LRTM1: variants seen among roughly 807,000 people sequenced by gnomAD.
LRTM1 encodes the protein leucine-rich repeat and transmembrane domain-containing protein 1.
Under a neutral mutation model 32.4 loss-of-function variants are expected in LRTM1, and 38 were observed. The observed-to-expected ratio is 1.17, with a 90% confidence interval of 0.91 to 1.54. The LOEUF (loss-of-function observed/expected upper bound fraction) is 1.54, where lower values mean the gene tolerates loss of function less well. Among genes scored for constraint, LRTM1 ranks in the 40% most tolerant of loss-of-function variants. LRTM1 has a pLI of 0.00. For missense variants in LRTM1, 466 were observed against 415.4 expected (o/e 1.12, Z -1.06); for synonymous variants, 186 against 169.9 (o/e 1.09, Z -0.74).
chr3:54,952,117 A>T (rs1041327094), intron 1 of LRTM1, among the ~76,000 whole-genome samples: 1 of 152,180 alleles, frequency 6.6e-6, no homozygotes, highest in African/African-American at 2.4e-5. Flanking sequence ...AAGTGCTGGG[A>T]TTACACATGT....
intron 1 of LRTM1, among the ~76,000 whole-genome samples, chr3:54,943,982 T>A (rs1400235053): frequency 6.6e-6 from 1 of 152,218 alleles, no homozygotes; most frequent in Admixed American, 6.5e-5. Flanking sequence ...AGGTCTTCAT[T>A]CCATGCCTTC....
intron 1 of LRTM1, among the ~76,000 whole-genome samples, chr3:54,938,636 A>T (rs1701387036): frequency 6.6e-6 from 1 of 151,054 alleles, no homozygotes; most frequent in African/African-American, 2.4e-5. Flanking sequence ...CCCCCAAATT[A>T]TACATCTTGA....
chr3:54,918,713 T>C lies in LRTM1; in HGVS notation c.784A>G (p.Asn262Asp). Residue 262 changes from asparagine to aspartate, a missense_variant, in exon 3 of 3, where the codon AAC becomes GAC. Coordinates refer to ENST00000273286, the MANE Select transcript of LRTM1 (RefSeq NM_020678.4). ...TCCAAGAGTTCTCGCTCCCCCGCGT[T>C]GTGGTTCTCAGGAGGCCTCAGGACC... ...GVVLRPPENH[N>D]AGERELLECE... 1 of 1,614,146 alleles carries C rather than the reference T, an allele frequency of 6.2e-7. No homozygotes were observed. The highest frequency in any genetic ancestry group is 8.5e-7 in the Non-Finnish European group (1 of 1,180,016).
intron 1 of LRTM1, among the ~76,000 whole-genome samples, chr3:54,957,445 AAC>A (rs1226750915): frequency 0.012 from 1,856 of 152,306 alleles, 35 homozygotes; most frequent in African/African-American, 0.042. Context: ...CACCACACCC[AAC>A]CATAAAATAA....
chr3:54,930,841 A>G (rs1038664579), upstream of LRTM1, among the ~76,000 whole-genome samples: 1 of 152,156 alleles, frequency 6.6e-6, no homozygotes, highest in Non-Finnish European at 1.5e-5. Flanking sequence ...CACGCCTGTA[A>G]TCCCAATATA....
chr3:54,964,606 G>A (rs1016898499), intron 1 of LRTM1, among the ~76,000 whole-genome samples: 3 of 152,164 alleles, frequency 2.0e-5, no homozygotes, highest in South Asian at 2.1e-4. Flanking sequence ...TGAAGGGAGA[G>A]AGTGGGACTC....
At chr3:54,920,948 T>C (rs1700830411) in intron 2 of LRTM1, among the ~76,000 whole-genome samples, 1 of 152,184 alleles carries the variant, frequency 6.6e-6, no homozygotes. Flanking sequence ...GACTGGAGCC[T>C]GGGACATAGC....
At chr3:54,919,906 C>T (rs1420096835) in intron 2 of LRTM1, among the ~76,000 whole-genome samples, 2 of 152,180 alleles carry the variant, frequency 1.3e-5, no homozygotes, top group African/African-American at 2.4e-5. Flanking sequence ...CCACTACACT[C>T]GCTGCCTCGC....
intron 1 of LRTM1, among the ~76,000 whole-genome samples, chr3:54,959,861 G>A (rs1481009229): frequency 6.6e-6 from 1 of 152,162 alleles, no homozygotes; most frequent in Non-Finnish European, 1.5e-5. Flanking sequence ...GCCTGGGAAA[G>A]CTGAGGGAAT....
chr3:54,926,733 A>G (rs1168368312), intron 1 of LRTM1, among the ~76,000 whole-genome samples: 3 of 152,116 alleles, frequency 2.0e-5, no homozygotes, highest in African/African-American at 7.2e-5. Flanking sequence ...TTTAGTATTA[A>G]TATTTACCCC....
At position 54,958,607 on chromosome 3, in the gene LRTM1, A is replaced by G. The variant is rs552671623; in HGVS notation, c.-222+8321T>C. Among the ~76,000 whole-genome samples the G allele has an allele frequency of 7.2e-5, 11 of 152,308 alleles. No individual in the cohort carries two copies. In the East Asian group the frequency reaches 2.1e-3, roughly 29 times the overall value. On this transcript the variant is annotated intron_variant, in intron 1 of 2. Transcript: ENST00000493075. ...AGCAATAGTTATTATCTTTCTGAGC[A>G]CGAATTTTCTGGAACTAATAGCAAA...
At chr3:54,935,643 G>A (rs1701309297) in intron 1 of LRTM1, among the ~76,000 whole-genome samples, 1 of 152,266 alleles carries the variant, frequency 6.6e-6, no homozygotes, top group East Asian at 1.9e-4. Context: ...TGAAATGAGT[G>A]TTTTTTGCAG....
intron 1 of LRTM1, among the ~76,000 whole-genome samples, chr3:54,950,920 A>T (rs778511504): frequency 2.0e-5 from 3 of 152,182 alleles, no homozygotes; most frequent in African/African-American, 4.8e-5. Flanking sequence ...AATAAAGAGG[A>T]TACTCTCTGG....
chr3:54,927,123 ATTGT>A (rs370175038), intron 1 of LRTM1, among the ~76,000 whole-genome samples: 146 of 152,286 alleles, frequency 9.6e-4, no homozygotes, highest in African/African-American at 5.1e-4. Flanking sequence ...TGTTTGATTG[ATTGT>A]TTGCTTGCTT....
At chr3:54,955,047 A>C (rs1701848281) in intron 1 of LRTM1, among the ~76,000 whole-genome samples, 1 of 152,234 alleles carries the variant, frequency 6.6e-6, no homozygotes, top group Non-Finnish European at 1.5e-5. Flanking sequence ...GTTTGCTGAA[A>C]ATCAACTGAC....
At chr3:54,922,823 C>T (rs919488265) in intron 2 of LRTM1, among the ~76,000 whole-genome samples, 20 of 152,130 alleles carry the variant, frequency 1.3e-4, no homozygotes, top group Non-Finnish European at 2.6e-4. Context: ...TCACTCACTC[C>T]CCCCAGTCCC....
At position 54,918,522 on chromosome 3, in the gene LRTM1, C is replaced by T. The variant is rs1467701308; in HGVS notation, c.975G>A (p.Leu325=). The change falls in exon 3 of 3, where the codon TTG becomes TTA. Residue 325 remains leucine (L), a synonymous_variant. Transcript: ENST00000273286. ...CCTTCCCAGGATCATTGGTTTGAGC[C>T]AAGGGTCCCCCATGGTACTGGGCTG... ...AITAQYHGGP[L]AQTNDPGKVE... 8 of 1,613,824 alleles carry T rather than the reference C, an allele frequency of 5.0e-6. No homozygotes were observed. Among genetic ancestry groups the T allele is most frequent in the South Asian group, 1.1e-5 (1 of 91,076 alleles).
At chr3:54,946,672 C>G (rs772942000) in intron 1 of LRTM1, among the ~76,000 whole-genome samples, 1 of 152,112 alleles carries the variant, frequency 6.6e-6, no homozygotes, top group Non-Finnish European at 1.5e-5. Flanking sequence ...CTGGGGGGAG[C>G]TAGCATTTTG....
At chr3:54,935,848 A>G (rs1701316006) in intron 1 of LRTM1, among the ~76,000 whole-genome samples, 1 of 152,240 alleles carries the variant, frequency 6.6e-6, no homozygotes, top group African/African-American at 2.4e-5. Flanking sequence ...TGATATATAC[A>G]TAGCTTGAAA....
Sources: gnomAD v4.1 joint callset for allele counts (sites outside exome capture counted in the v4.1 genomes callset) on GRCh38, gnomAD v4.1.1 for gene constraint, MANE v1.5 for transcripts, NCBI Gene and HGNC (gene_info 2026-07-23, HGNC 2026-07-21) for gene names.